Variants in HNRNPL observed in about 807,000 individuals in gnomAD.
HNRNPL encodes epididymis secretory sperm binding protein.
HNRNPL carries 12 observed loss-of-function variants against 64.0 expected under a neutral mutation model. The ratio of observed to expected loss-of-function variants is 0.19; its 90% confidence interval spans 0.12 to 0.30. The LOEUF (loss-of-function observed/expected upper bound fraction) is 0.30. Ranked by LOEUF, HNRNPL falls within the 10% of genes least tolerant of loss-of-function variation. HNRNPL has a pLI of 1.00. For synonymous variants in HNRNPL, 385 were observed against 313.0 expected, an observed-to-expected ratio of 1.23 and a Z score of -2.43; for missense variants, 484 against 797.4, an observed-to-expected ratio of 0.61 and a Z score of 4.73.
chr19:38,850,156 C>G (rs996263466), upstream of HNRNPL: 1 of 489,494 alleles, frequency 2.0e-6, no homozygotes, highest in Admixed American at 4.3e-5. Flanking sequence ...TTGTCTGAGA[C>G]ACTCCTTATA....
At chr19:38,840,839 G>A (rs1972093096) in intron 6 of HNRNPL, 2 of 463,728 alleles carry the variant, frequency 4.3e-6, no homozygotes, top group African/African-American at 2.1e-5. Flanking sequence ...CCTGGCCCTG[G>A]GAGAAAGCCC....
rs1435068855 is a variant in HNRNPL, at chr19:38,840,290, G to C, written c.1039C>G (p.Pro347Ala). Residue 347 changes from proline to alanine, a missense_variant, in exon 8 of 13, where the codon CCA (proline) becomes GCA (alanine). Pro to Ala is a conservative substitution (Grantham distance 27, BLOSUM62 -1). Transcript: ENST00000221419. ...PPHYEGRRMG[P>A]PVGGHRRGPS... Reference sequence around the variant, plus strand: ...CCCCGACGGTGACCCCCCACTGGTGGACCCATCCTTCTCCCTTCGTAGTGA... The same window carrying C: ...CCCCGACGGTGACCCCCCACTGGTGCACCCATCCTTCTCCCTTCGTAGTGA... 6.4e-7 allele frequency: 1 copy of C among 1,574,678 alleles called. No individual in the cohort carries two copies. Among genetic ancestry groups the C allele is most frequent in the African/African-American group, 1.3e-5 (1 of 74,404 alleles).
At position 38,838,280 on chromosome 19, in the gene HNRNPL, C is replaced by A; in HGVS notation, c.1557+117G>T. ...CCTCTGCTGTGTCCCTAGCACTCAA[C>A]CCAGGGCCAGGCAGGACAGGAGTTC... On this transcript the variant is annotated intron_variant, in intron 10 of 12. Transcript: ENST00000221419. 4.9e-6 allele frequency: 4 copies of A among 811,918 alleles called. No homozygotes were observed. The South Asian group carries it at 6.6e-5, about 13-fold the overall frequency. The allele number at this position is 811,918 out of a possible 1,614,324, so 50.3% of individuals were successfully genotyped here.
At chr19:38,848,960 T>C (rs1477163184) in intron 1 of HNRNPL, among the ~76,000 whole-genome samples, 1 of 151,958 alleles carries the variant, frequency 6.6e-6, no homozygotes, top group Non-Finnish European at 1.5e-5. Flanking sequence ...TGGGCCCCAC[T>C]CCAAAAGCAA....
At position 38,837,577 on chromosome 19, in the gene HNRNPL, G is replaced by A. The variant is rs1971971220; in HGVS notation, c.1615+17C>T. 6.2e-7 allele frequency: 1 copy of A among 1,613,796 alleles called. No homozygotes were observed. The highest frequency in any genetic ancestry group is 8.5e-7 in the Non-Finnish European group (1 of 1,179,640). On this transcript the variant is annotated intron_variant, in intron 11 of 12. Transcript: ENST00000221419. Reference sequence around the variant, plus strand: ...CACCATGCAATTAGGGCAAGGAGGTGGGCACACTCGACTCACTTTTGCCTG... The same window carrying A: ...CACCATGCAATTAGGGCAAGGAGGTAGGCACACTCGACTCACTTTTGCCTG...
At chr19:38,838,633 C>A in intron 9 of HNRNPL, 35 bp from the exon 10 acceptor site, 1 of 1,593,524 alleles carries the variant, frequency 6.3e-7, no homozygotes, top group Non-Finnish European at 8.6e-7. Flanking sequence ...CTTTGTCATA[C>A]CCAAAGTTGT....
chr19:38,845,268 G>C (rs1972253329), intron 4 of HNRNPL: 2 of 178,160 alleles, frequency 1.1e-5, no homozygotes, highest in Non-Finnish European at 2.4e-5. Context: ...CTACTAGGAA[G>C]GCTGAGGCAG....
chr19:38,848,994 G>C (rs1038952668), intron 1 of HNRNPL, among the ~76,000 whole-genome samples: 3 of 151,832 alleles, frequency 2.0e-5, no homozygotes, highest in South Asian at 2.1e-4. Context: ...CGGAGGGACT[G>C]ATTACAGGGG....
At chr19:38,850,000 T>C (rs1195157807), upstream of HNRNPL, 7 of 1,313,648 alleles carry the variant, frequency 5.3e-6, no homozygotes, top group Non-Finnish European at 5.8e-6. Flanking sequence ...CCGCCTCTCA[T>C]TGGGGGAGGG....
intron 12 of HNRNPL, 111 bp from the exon 13 acceptor site, chr19:38,836,891 C>A (rs1971946367): frequency 1.4e-6 from 1 of 724,940 alleles, no homozygotes; most frequent in African/African-American, 1.8e-5. Context: ...CGGCAGGGGT[C>A]TAAGGAGTGA....
chr19:38,852,149 C>G (rs1972519460), upstream of HNRNPL: 1 of 148,210 alleles, frequency 6.7e-6, no homozygotes, highest in South Asian at 2.1e-4. Context: ...TCCAGGCCGC[C>G]GGCCCGGCCT....
intron 10 of HNRNPL, among the ~76,000 whole-genome samples, 199 bp from the exon 11 acceptor site, chr19:38,837,850 A>C (rs985580243): frequency 6.6e-6 from 1 of 152,234 alleles, no homozygotes. Flanking sequence ...GTTGCCTGAG[A>C]CTGGGAAGCT....
chr19:38,839,102 T>TG (rs1972025379), intron 8 of HNRNPL, 87 bp from the exon 9 acceptor site: 2 of 1,529,780 alleles, frequency 1.3e-6, no homozygotes, highest in Admixed American at 3.4e-5. Context: ...TAATAACCCC[T>TG]GCTCTGGCCT....
At chr19:38,837,771 A>AT in intron 10 of HNRNPL, 120 bp from the exon 11 acceptor site, 2 of 768,390 alleles carry the variant, frequency 2.6e-6, no homozygotes, top group South Asian at 1.6e-5. Flanking sequence ...AGGCTTGTAG[A>AT]TTTTATCACA....
intron 7 of HNRNPL, 28 bp downstream of exon 7, chr19:38,840,460 T>C: frequency 6.4e-7 from 1 of 1,572,526 alleles, no homozygotes; most frequent in Non-Finnish European, 8.6e-7. Flanking sequence ...GCCACGGGAG[T>C]CCACGGAGGG....
At chr19:38,837,310 G>GGAC (rs762825760) in intron 12 of HNRNPL, 74 bp downstream of exon 12, 1 of 1,166,432 alleles carries the variant, frequency 8.6e-7, no homozygotes, top group Admixed American at 1.7e-5. Context: ...AGGGCAGGAA[G>GGAC]GACATCCCTG....
upstream of HNRNPL, chr19:38,850,269 C>A: frequency 3.0e-6 from 1 of 330,920 alleles, no homozygotes; most frequent in Non-Finnish European, 5.5e-6. Flanking sequence ...CTAAAAGCAC[C>A]TGATAGGAAC....
At chr19:38,839,185 G>A (rs905258811) in intron 8 of HNRNPL, 170 bp from the exon 9 acceptor site, 17 of 714,602 alleles carry the variant, frequency 2.4e-5, no homozygotes, top group East Asian at 8.2e-5. Flanking sequence ...AACCCATAGT[G>A]AGAAGCAGAG....
In HNRNPL at chr19:38,840,083, G is replaced by C. The variant is rs766599045; in HGVS notation, c.1233+13C>G. 2 of 1,612,962 alleles carry C rather than the reference G, an allele frequency of 1.2e-6. No homozygotes were observed. Among genetic ancestry groups the C allele is most frequent in the Admixed American group, 3.3e-5 (2 of 60,000 alleles). On this transcript the variant is annotated intron_variant, in intron 8 of 12. Transcript: ENST00000221419. The stretch of plus-strand genomic sequence containing the variant: ...GCTCAGCGAGGAACCCAGGGGGCCC[G>C]GCAGCAGCTCACCTTCTCCACATTG...
Sources: gnomAD v4.1 joint callset for allele counts (sites outside exome capture counted in the v4.1 genomes callset) on GRCh38, gnomAD v4.1.1 for gene constraint, MANE v1.5 for transcripts, NCBI Gene and HGNC (gene_info 2026-07-23, HGNC 2026-07-21) for gene names.